Variants in CCNI observed in about 807,000 individuals in gnomAD.
The protein encoded by CCNI is cyclin-I.
In CCNI, 14 loss-of-function variants were observed where a neutral mutation model predicts 34.1. The observed-to-expected ratio is 0.41, with a 90% CI of 0.27 to 0.64. CCNI has a LOEUF of 0.64. Among genes scored for constraint, CCNI ranks in the 30% least tolerant of loss-of-function variants. CCNI has a pLI of 0.31. For missense variants in CCNI, 385 were observed against 440.5 expected (o/e 0.87, Z 1.13); for synonymous variants, 154 against 158.4 (o/e 0.97, Z 0.21).
chr4:77,055,883 A>G, intron 5 of CCNI, 79 bp downstream of exon 5: 1 of 1,195,750 alleles, frequency 8.4e-7, no homozygotes, highest in Non-Finnish European at 1.2e-6. Flanking sequence ...TACAAAATAA[A>G]TGAGTAGGCA....
intron 2 of CCNI, among the ~76,000 whole-genome samples, chr4:77,061,565 C>T (rs149131915): frequency 6.6e-6 from 1 of 152,240 alleles, no homozygotes; most frequent in African/African-American, 2.4e-5. Flanking sequence ...AAATATACAA[C>T]CTCCCCAGCT....
intron 1 of CCNI, among the ~76,000 whole-genome samples, chr4:77,067,790 TAA>T (rs375815113): frequency 0.031 from 3,046 of 98,200 alleles, 54 homozygotes; most frequent in African/African-American, 0.076. Flanking sequence ...CTTCTAGGTT[TAA>T]AAAAAAAAAA....
At chr4:77,058,296 C>A (rs1389498193) in intron 3 of CCNI, among the ~76,000 whole-genome samples, 1 of 152,002 alleles carries the variant, frequency 6.6e-6, no homozygotes, top group African/African-American at 2.4e-5. Context: ...CAGACACACT[C>A]CAGCCAGGGC....
intron 2 of CCNI, among the ~76,000 whole-genome samples, 189 bp from the exon 3 acceptor site, chr4:77,058,824 T>A (rs1011390772): frequency 2.0e-5 from 3 of 152,226 alleles, no homozygotes. Flanking sequence ...TTAATATCAA[T>A]ATCCAATATT....
intron 2 of CCNI, chr4:77,064,585 G>GCGCACAAACACACACA (rs375436623): frequency 7.0e-6 from 1 of 143,034 alleles, no homozygotes; most frequent in South Asian, 2.2e-4. Flanking sequence ...GCGCGCGCGC[G>GCGCACAAACACACACA]CACACACACA....
chr4:77,072,666 AGAAAC>A (rs1412703858), intron 1 of CCNI, among the ~76,000 whole-genome samples: 1 of 150,434 alleles, frequency 6.6e-6, no homozygotes, highest in Non-Finnish European at 1.5e-5. Flanking sequence ...AAAAAAGAAA[AGAAAC>A]GAAACTGCAA....
At chr4:77,065,273 CCATT>C (rs1728950332) in intron 2 of CCNI, among the ~76,000 whole-genome samples, 1 of 152,162 alleles carries the variant, frequency 6.6e-6, no homozygotes, top group Non-Finnish European at 1.5e-5. Context: ...TACATATTTG[CCATT>C]CATTCACTCA....
chr4:77,071,498 AAT>A (rs1479246443), intron 1 of CCNI, among the ~76,000 whole-genome samples: 1 of 152,226 alleles, frequency 6.6e-6, no homozygotes, highest in Non-Finnish European at 1.5e-5. Flanking sequence ...GGAAATACTA[AAT>A]ATTAGAATGG....
At position 77,066,418 on chromosome 4, in the gene CCNI, G is replaced by T. The variant is rs186011225; in HGVS notation, c.-43-13C>A. On this transcript the variant is annotated splice_polypyrimidine_tract_variant and intron_variant, in intron 1 of 6. Transcript: ENST00000237654. ...TTGCTGTAGCTACCTACAGAATCAA[G>T]TAAGTTTTAAAATTAGTTATAGAAT... 2.2e-5 allele frequency: 35 copies of T among 1,598,384 alleles called. No homozygotes were observed. The highest frequency in any genetic ancestry group is 2.7e-5 in the Non-Finnish European group (32 of 1,173,120).
intron 2 of CCNI, chr4:77,064,585 G>GCGCACACACGCACACA (rs375436623): frequency 7.0e-6 from 1 of 143,034 alleles, no homozygotes; most frequent in Non-Finnish European, 1.5e-5. Context: ...GCGCGCGCGC[G>GCGCACACACGCACACA]CACACACACA....
At chr4:77,059,332 T>G (rs1342539575) in intron 2 of CCNI, among the ~76,000 whole-genome samples, 1 of 151,842 alleles carries the variant, frequency 6.6e-6, no homozygotes, top group Non-Finnish European at 1.5e-5. Context: ...TCTTGAGTTT[T>G]GGAGTCGCCA....
At chr4:77,064,102 T>G (rs567638436) in intron 2 of CCNI, among the ~76,000 whole-genome samples, 1 of 151,756 alleles carries the variant, frequency 6.6e-6, no homozygotes, top group East Asian at 2.0e-4. Flanking sequence ...ATTAGCCAGG[T>G]ATGGTGGCGG....
chr4:77,051,335 C>T (rs1727811518), intron 6 of CCNI, among the ~76,000 whole-genome samples: 1 of 152,196 alleles, frequency 6.6e-6, no homozygotes. Flanking sequence ...GCCTTGGTCA[C>T]TGGGCATAAT....
chr4:77,051,866 T>C (rs1727862363), intron 6 of CCNI, among the ~76,000 whole-genome samples: 1 of 151,888 alleles, frequency 6.6e-6, no homozygotes, highest in Admixed American at 6.6e-5. Context: ...ATGAACAGCA[T>C]GAAGCACTGA....
intron 2 of CCNI, among the ~76,000 whole-genome samples, chr4:77,063,991 C>T (rs190743276): frequency 2.4e-4 from 36 of 152,234 alleles, no homozygotes; most frequent in Middle Eastern, 3.4e-3. Context: ...CCTGTAATCC[C>T]AGCACTTTGG....
chr4:77,062,779 C>T (rs1728699519), intron 2 of CCNI, among the ~76,000 whole-genome samples: 1 of 152,114 alleles, frequency 6.6e-6, no homozygotes, highest in Non-Finnish European at 1.5e-5. Context: ...AAATTGAGAA[C>T]ATCTGAAAGT....
chr4:77,057,793 T>C (rs1728339433), intron 3 of CCNI, among the ~76,000 whole-genome samples: 1 of 152,226 alleles, frequency 6.6e-6, no homozygotes, highest in African/African-American at 2.4e-5. Context: ...CACTTTGTTT[T>C]TCAGAAAGCC....
intron 3 of CCNI, among the ~76,000 whole-genome samples, chr4:77,057,545 T>G (rs939877797): frequency 5.3e-5 from 8 of 152,236 alleles, no homozygotes; most frequent in Non-Finnish European, 1.2e-4. Context: ...TACATATTCT[T>G]TTGCATACTA....
At position 77,072,340 on chromosome 4, in the gene CCNI, G is replaced by C. The variant is rs532041783; in HGVS notation, c.-44+3132C>G. 2.0e-4 allele frequency among the ~76,000 whole-genome samples: 30 copies of C among 151,388 alleles called. No homozygotes were observed. The South Asian group carries it at 6.0e-3, about 31-fold the overall frequency. ...ACTTTTAAAAACAGGACAGAAGGCA[G>C]GGCATGGTGGCACCTGCTTGTGATC... On this transcript the variant is annotated intron_variant, in intron 1 of 6. Coordinates refer to ENST00000237654, the MANE Select transcript of CCNI (RefSeq NM_006835.3).
Sources: allele counts gnomAD v4.1 joint callset (sites outside exome capture counted in the v4.1 genomes callset), GRCh38; gene constraint gnomAD v4.1.1; transcripts MANE v1.5; gene names NCBI Gene and HGNC (gene_info 2026-07-23, HGNC 2026-07-21).